The following SSBP2 variants were observed in gnomAD, a reference collection of about 807,000 sequenced individuals.
The protein encoded by SSBP2 is single stranded DNA binding protein 2, also known as single-stranded DNA-binding protein 2.
In SSBP2, 17 loss-of-function variants were observed where a neutral mutation model predicts 61.8. The observed-to-expected ratio is 0.28, with a 90% CI of 0.19 to 0.41. The LOEUF (loss-of-function observed/expected upper bound fraction) is 0.41, where lower values mean the gene tolerates loss of function less well. Among genes scored for constraint, SSBP2 ranks in the 10% least tolerant of loss-of-function variants. SSBP2 has a pLI of 1.00. For missense variants in SSBP2, 310 were observed against 458.7 expected (o/e 0.68, Z 2.96); for synonymous variants, 139 against 141.3 (o/e 0.98, Z 0.12).
intron 1 of SSBP2, among the ~76,000 whole-genome samples, chr5:81,654,796 G>C (rs1750062446): frequency 6.6e-6 from 1 of 152,082 alleles, no homozygotes; most frequent in South Asian, 2.1e-4. Flanking sequence ...GTAAATCACA[G>C]CTTGGTGCCA....
At chr5:81,616,500 T>G (rs1746050110) in intron 3 of SSBP2, 2 of 149,518 alleles carry the variant, frequency 1.3e-5, no homozygotes, top group South Asian at 2.1e-4. Context: ...GAGATCAAAC[T>G]GCAAGGCGGC....
At chr5:81,630,282 A>G (rs1379273921) in intron 3 of SSBP2, among the ~76,000 whole-genome samples, 1 of 152,216 alleles carries the variant, frequency 6.6e-6, no homozygotes. Context: ...TATGAAGTCC[A>G]GGTTGAAAGA....
At chr5:81,723,508 T>C (rs1023061279) in intron 1 of SSBP2, among the ~76,000 whole-genome samples, 2 of 152,018 alleles carry the variant, frequency 1.3e-5, no homozygotes, top group African/African-American at 4.8e-5. Context: ...AGTTTGACCC[T>C]GAAAGTTGGG....
intron 4 of SSBP2, among the ~76,000 whole-genome samples, chr5:81,549,343 C>T (rs915301918): frequency 3.5e-4 from 54 of 152,246 alleles, no homozygotes; most frequent in African/African-American, 1.2e-3. Flanking sequence ...GCTGTGATCA[C>T]GTCACTGATA....
chr5:81,685,781 A>G (rs1000462205), intron 1 of SSBP2, among the ~76,000 whole-genome samples: 1 of 152,226 alleles, frequency 6.6e-6, no homozygotes, highest in African/African-American at 2.4e-5. Flanking sequence ...GGGCACTTTT[A>G]GCCACTGGGT....
chr5:81,522,587 A>T (rs1404931261), intron 4 of SSBP2, among the ~76,000 whole-genome samples: 1 of 152,142 alleles, frequency 6.6e-6, no homozygotes, highest in Non-Finnish European at 1.5e-5. Flanking sequence ...ACTTTAAAAT[A>T]ATTCATTTCA....
At chr5:81,705,087 T>C (rs1754272543) in intron 1 of SSBP2, among the ~76,000 whole-genome samples, 1 of 152,130 alleles carries the variant, frequency 6.6e-6, no homozygotes, top group Admixed American at 6.5e-5. Flanking sequence ...GTATATTACA[T>C]GTATATAATA....
chr5:81,743,648 G>T (rs1369245165), intron 1 of SSBP2, among the ~76,000 whole-genome samples: 1 of 152,116 alleles, frequency 6.6e-6, no homozygotes. Context: ...ATTATATCTA[G>T]CATAATTTGT....
chr5:81,719,343 A>G (rs1380766074), intron 1 of SSBP2, among the ~76,000 whole-genome samples: 2 of 152,186 alleles, frequency 1.3e-5, no homozygotes, highest in African/African-American at 4.8e-5. Flanking sequence ...ATCCTGAAAA[A>G]GCAGAGGGCT....
chr5:81,557,642 T>C (rs1207798038), intron 4 of SSBP2, among the ~76,000 whole-genome samples: 1 of 152,190 alleles, frequency 6.6e-6, no homozygotes. Context: ...AATATACCAT[T>C]AATCCCATCC....
At chr5:81,497,088 C>CTTTA (rs1389519403) in intron 5 of SSBP2, among the ~76,000 whole-genome samples, 9 of 152,256 alleles carry the variant, frequency 5.9e-5, no homozygotes, top group African/African-American at 2.2e-4. Flanking sequence ...ATTCACCAGA[C>CTTTA]TAAAAAGAAA....
At chr5:81,535,120 T>G (rs1580946617) in intron 4 of SSBP2, among the ~76,000 whole-genome samples, 1 of 152,022 alleles carries the variant, frequency 6.6e-6, no homozygotes, top group Non-Finnish European at 1.5e-5. Flanking sequence ...TGATTTTCTA[T>G]AAGCCACCAA....
intron 4 of SSBP2, among the ~76,000 whole-genome samples, chr5:81,528,546 G>C (rs1156887099): frequency 6.6e-6 from 1 of 152,002 alleles, no homozygotes; most frequent in Non-Finnish European, 1.5e-5. Flanking sequence ...TTTGACTACT[G>C]TAACATGCCC....
chr5:81,500,939 C>T (rs183894888), intron 5 of SSBP2, among the ~76,000 whole-genome samples: 516 of 151,296 alleles, frequency 3.4e-3, no homozygotes, highest in Non-Finnish European at 5.8e-3. Flanking sequence ...TGAGGCCAGG[C>T]ACGGTGGCTC....
At position 81,654,003 on chromosome 5, in the gene SSBP2, T is replaced by G. The variant is rs188422836; in HGVS notation, c.63-3664A>C. ...AGTTTGGTGTTTTTTGTTTTGTTTTTTTTTTTGAGACAGGGTCTTGCTCTA... is the reference window on the plus strand; with the variant it reads ...AGTTTGGTGTTTTTTGTTTTGTTTTGTTTTTTGAGACAGGGTCTTGCTCTA... On this transcript the variant is annotated intron_variant, in intron 1 of 16. Transcript: ENST00000320672. 3.1e-3 allele frequency among the ~76,000 whole-genome samples: 478 copies of G among 151,978 alleles called. 2 individuals are homozygous for G. Among genetic ancestry groups the G allele is most frequent in the African/African-American group, 0.011 (445 of 41,518 alleles).
At chr5:81,723,701 A>C (rs1755692096) in intron 1 of SSBP2, among the ~76,000 whole-genome samples, 2 of 152,054 alleles carry the variant, frequency 1.3e-5, no homozygotes, top group South Asian at 4.1e-4. Flanking sequence ...AGTATCAATT[A>C]TTGAGCTACA....
At chr5:81,422,887 T>A (rs1230839942) in intron 16 of SSBP2, among the ~76,000 whole-genome samples, 1 of 152,210 alleles carries the variant, frequency 6.6e-6, no homozygotes, top group Non-Finnish European at 1.5e-5. Flanking sequence ...ATCACAAACA[T>A]GATACCATTT....
intron 4 of SSBP2, among the ~76,000 whole-genome samples, chr5:81,571,470 T>C (rs1406470515): frequency 6.6e-6 from 1 of 152,150 alleles, no homozygotes; most frequent in Non-Finnish European, 1.5e-5. Flanking sequence ...CATGGAACTA[T>C]TCCTTCTTAC....
At chr5:81,477,517 T>G (rs1462763990) in intron 6 of SSBP2, among the ~76,000 whole-genome samples, 1 of 152,164 alleles carries the variant, frequency 6.6e-6, no homozygotes, top group African/African-American at 2.4e-5. Context: ...AATACAATTA[T>G]GTATTTATTC....
Sources: allele counts gnomAD v4.1 joint callset (sites outside exome capture counted in the v4.1 genomes callset), GRCh38; gene constraint gnomAD v4.1.1; transcripts MANE v1.5; gene names NCBI Gene and HGNC (gene_info 2026-07-23, HGNC 2026-07-21).